The following HRH2 variants were observed in gnomAD, a reference collection of about 807,000 sequenced individuals.
HRH2 encodes the protein histamine receptor H2.
In HRH2, 4 loss-of-function variants were observed where a neutral mutation model predicts 20.1. The observed-to-expected ratio is 0.20, with a 90% confidence interval of 0.10 to 0.45. The LOEUF is 0.45. Among genes scored for constraint, HRH2 ranks in the 20% least tolerant of loss-of-function variants. The pLI, the probability that HRH2 is intolerant of heterozygous loss-of-function variation, is 0.99. For missense variants in HRH2, 250 were observed against 461.6 expected, an observed-to-expected ratio of 0.54 and a Z score of 4.20; for synonymous variants, 197 against 200.7, an observed-to-expected ratio of 0.98 and a Z score of 0.16.
chr5:175,692,247 T>G (rs1756408487), intron 2 of HRH2, among the ~76,000 whole-genome samples: 2 of 152,272 alleles, frequency 1.3e-5, no homozygotes, highest in Non-Finnish European at 2.9e-5. Context: ...GATGGCTGTG[T>G]TCTCATAAAA....
intron 1 of HRH2, among the ~76,000 whole-genome samples, chr5:175,672,157 T>A (rs943383169): frequency 6.6e-6 from 1 of 152,190 alleles, no homozygotes; most frequent in African/African-American, 2.4e-5. Context: ...ATATGAAACT[T>A]GCTTGAGGTA....
intron 2 of HRH2, among the ~76,000 whole-genome samples, chr5:175,695,833 G>C (rs1211057805): frequency 6.6e-6 from 1 of 152,254 alleles, no homozygotes. Context: ...TCTTCGAAGG[G>C]GCTGAGGAGG....
intron 1 of HRH2, among the ~76,000 whole-genome samples, chr5:175,667,367 C>T (rs1021899812): frequency 6.6e-6 from 1 of 152,056 alleles, no homozygotes; most frequent in African/African-American, 2.4e-5. Context: ...TCGCTTGAAC[C>T]TGGGAGGTGA....
chr5:175,671,435 A>C (rs1003619523), intron 1 of HRH2, among the ~76,000 whole-genome samples: 7 of 152,104 alleles, frequency 4.6e-5, no homozygotes, highest in Admixed American at 1.3e-4. Flanking sequence ...GAGAGAATAG[A>C]GAGGGAGGAA....
At chr5:175,691,187 A>G (rs187899674) in intron 2 of HRH2, 7 of 152,442 alleles carry the variant, frequency 4.6e-5, no homozygotes, top group East Asian at 1.9e-4. Flanking sequence ...CAACGGCGCA[A>G]GCTCACAGTT....
rs566247740 is a variant in HRH2, at chr5:175,684,584, G to A, written c.1076+275G>A. Among the ~76,000 whole-genome samples the A allele has an allele frequency of 6.9e-4, 105 of 152,326 alleles. No individual in the cohort carries two copies. The South Asian group carries it at 0.02, about 29-fold the overall frequency. ...GAGCGGTCACCTGACTTCGGAACTCGCAAGCCCTTTTTCCCAGCTACGTGG... is the reference window on the plus strand; with the variant it reads ...GAGCGGTCACCTGACTTCGGAACTCACAAGCCCTTTTTCCCAGCTACGTGG... On this transcript the variant is annotated intron_variant, in intron 2 of 2. Transcript: ENST00000636584.
rs769285320 is a variant in HRH2, at chr5:175,684,810, G to T, written c.1076+501G>T. 6.6e-5 allele frequency among the ~76,000 whole-genome samples: 10 copies of T among 152,180 alleles called. No individual in the cohort carries two copies. The East Asian group carries it at 7.7e-4, about 12-fold the overall frequency. Reference sequence around the variant, plus strand: ...TGCTATGCATCAGCTCTTACCGTGGGGGGGGTGTAAGTTGGTGGGGAAAGA... The same window carrying T: ...TGCTATGCATCAGCTCTTACCGTGGTGGGGGTGTAAGTTGGTGGGGAAAGA... On this transcript the variant is annotated intron_variant, in intron 2 of 2. Transcript: ENST00000636584.
intron 2 of HRH2, among the ~76,000 whole-genome samples, chr5:175,706,688 T>G (rs1756950553): frequency 6.6e-6 from 1 of 152,128 alleles, no homozygotes; most frequent in Non-Finnish European, 1.5e-5. Context: ...CAGGTGCAGG[T>G]GGGGTGTTCA....
At chr5:175,688,220 G>A (rs1451163025) in intron 2 of HRH2, among the ~76,000 whole-genome samples, 2 of 152,220 alleles carry the variant, frequency 1.3e-5, no homozygotes, top group Non-Finnish European at 2.9e-5. Flanking sequence ...ATTCCATAAT[G>A]TCATCGAAAC....
chr5:175,662,055 T>C (rs1762753493), intron 1 of HRH2, among the ~76,000 whole-genome samples: 1 of 149,744 alleles, frequency 6.7e-6, no homozygotes, highest in South Asian at 2.1e-4. Flanking sequence ...ATAAAAGCCA[T>C]TGCTACAGGG....
rs762088387 is a variant in HRH2 at position 175,684,256 on chromosome 5, G to C, written c.1023G>C (p.Lys341Asn). 1.2e-6 allele frequency: 2 copies of C among 1,614,196 alleles called. No homozygotes were observed. Among genetic ancestry groups the C allele is most frequent in the East Asian group, 4.5e-5 (2 of 44,880 alleles). ...EPRQQEEKPL[K>N]LQVWSGTEVT... Reference sequence around the variant, plus strand: ...GGCAACAGGAAGAGAAACCCCTGAAGCTCCAGGTGTGGAGTGGGACAGAAG... The same window carrying C: ...GGCAACAGGAAGAGAAACCCCTGAACCTCCAGGTGTGGAGTGGGACAGAAG... The change falls in exon 2 of 3, where the codon AAG becomes AAC. Residue 341 changes from lysine (K) to asparagine (N), a missense_variant. This residue lies in a region of HRH2 where 55 missense variants were observed against 66.9 expected (regional missense o/e 0.82). Coordinates refer to ENST00000636584, the MANE Select transcript of HRH2 (RefSeq NM_001367711.1).
Position 175,677,058 on chromosome 5 carries a change from G to T in HRH2, c.-525-5651G>T, listed in dbSNP as rs1365913123. 2.0e-5 allele frequency among the ~76,000 whole-genome samples: 3 copies of T among 152,166 alleles called. No homozygotes were observed. The highest frequency in any genetic ancestry group is 4.4e-5 in the Non-Finnish European group (3 of 68,028). ...TGCCCAGGCTGGAGTGCAGTGGCATGATCTCAGTTCACTGCAGCCTTGAAC... is the reference window on the plus strand; with the variant it reads ...TGCCCAGGCTGGAGTGCAGTGGCATTATCTCAGTTCACTGCAGCCTTGAAC... On this transcript the variant is annotated intron_variant, in intron 1 of 2. Coordinates refer to ENST00000636584, the MANE Select transcript of HRH2 (RefSeq NM_001367711.1). The surrounding 1 kb of genome is among the most constrained non-coding windows in gnomAD (Gnocchi z 4.2).
At chr5:175,701,732 T>C (rs1756792542) in intron 2 of HRH2, among the ~76,000 whole-genome samples, 1 of 151,758 alleles carries the variant, frequency 6.6e-6, no homozygotes, top group South Asian at 2.1e-4. Flanking sequence ...GGACAAAAAG[T>C]GGGGAAGGTC....
chr5:175,673,379 G>A (rs1001552135), intron 1 of HRH2, among the ~76,000 whole-genome samples: 1 of 152,122 alleles, frequency 6.6e-6, no homozygotes, highest in African/African-American at 2.4e-5. Context: ...TTGGAGGCTG[G>A]GGAGGAGCAG....
intron 2 of HRH2, among the ~76,000 whole-genome samples, chr5:175,696,623 T>G (rs936953450): frequency 1.3e-5 from 2 of 152,154 alleles, no homozygotes; most frequent in Non-Finnish European, 2.9e-5. Context: ...TTGCCAGCAA[T>G]CCTAGGTCAG....
chr5:175,677,174 T>C lies in HRH2; in HGVS notation c.-525-5535T>C, dbSNP rs890246636. 2.6e-5 allele frequency among the ~76,000 whole-genome samples: 4 copies of C among 152,154 alleles called. No individual in the cohort carries two copies. The highest frequency in any genetic ancestry group is 2.9e-5 in the Non-Finnish European group (2 of 68,020). ...TATGCCCAGCTAATTTTTAAACTTT[T>C]TGTAGATATAGGGTCTCACTACGTT... On this transcript the variant is annotated intron_variant, in intron 1 of 2. Coordinates refer to ENST00000636584, the MANE Select transcript of HRH2 (RefSeq NM_001367711.1). This position sits in a 1 kb window ranked among gnomAD's most constrained non-coding sequence, Gnocchi z 4.2.
At chr5:175,703,876 C>A (rs1242715442) in intron 2 of HRH2, 1 of 152,040 alleles carries the variant, frequency 6.6e-6, no homozygotes, top group African/African-American at 2.4e-5. Context: ...GCCATATAAC[C>A]ATTAAAAATA....
At position 175,683,963 on chromosome 5, in the gene HRH2, A is replaced by G. The variant is rs1265994271; in HGVS notation, c.730A>G (p.Ile244Val). Residue 244 changes from isoleucine to valine, a missense_variant, in exon 2 of 3, where the codon ATC (isoleucine) becomes GTC (valine). Ile to Val is a conservative substitution (Grantham distance 29, BLOSUM62 3). Transcript: ENST00000636584. ...ACTGGCCGCCGTCATGGGGGCCTTC[A>G]TCATCTGCTGGTTTCCCTACTTCAC... Reference protein sequence around the residue: ...VTLAAVMGAFIICWFPYFTAF... With the variant: ...VTLAAVMGAFVICWFPYFTAF... 6.2e-7 allele frequency: 1 copy of G among 1,614,188 alleles called. No individual in the cohort carries two copies. Among genetic ancestry groups the G allele is most frequent in the South Asian group, 1.1e-5 (1 of 91,084 alleles).
chr5:175,682,974 C>T lies in HRH2; in HGVS notation c.-260C>T, dbSNP rs1756038418. On this transcript the variant is annotated 5_prime_UTR_variant, in exon 2 of 3. Coordinates refer to ENST00000636584, the MANE Select transcript of HRH2 (RefSeq NM_001367711.1). The stretch of plus-strand genomic sequence containing the variant: ...TGATCCATGAACCTGGCTTCGAGGC[C>T]TTGCTTTTCTCTCTTCTTCATTCAT... 2 of 438,476 alleles carry T rather than the reference C, an allele frequency of 4.6e-6. No homozygotes were observed. Among genetic ancestry groups the T allele is most frequent in the Non-Finnish European group, 8.0e-6 (2 of 249,750 alleles). 27.2% of individuals were successfully genotyped at this position (438,476 alleles called of 1,614,324 possible). A position where few individuals can be genotyped will look rare whatever the true frequency, so the allele number is the denominator to read the frequency against.
Sources: allele counts gnomAD v4.1 joint callset (sites outside exome capture counted in the v4.1 genomes callset), GRCh38; gene constraint gnomAD v4.1.1; regional missense constraint gnomAD v4.1.1; non-coding constraint Gnocchi (gnomAD v3.1); transcripts MANE v1.5; gene names NCBI Gene and HGNC (gene_info 2026-07-23, HGNC 2026-07-21).